The following ERO1A variants were observed in gnomAD, a reference collection of about 807,000 sequenced individuals.
ERO1A encodes the protein ERO1-like protein alpha.
Under a neutral mutation model 76.9 loss-of-function variants are expected in ERO1A, and 49 were observed. That is an observed-to-expected ratio of 0.64 (90% CI 0.51 to 0.81). ERO1A has a LOEUF of 0.81. ERO1A is among the 30% of genes least tolerant of loss of function. The probability of loss-of-function intolerance (pLI) is 0.00; values close to 1 mark genes in which losing one functional copy is unlikely to be tolerated. For synonymous variants in ERO1A, 174 were observed against 181.2 expected (o/e 0.96, Z 0.32); for missense variants, 448 against 542.1 (o/e 0.83, Z 1.72).
chr14:52,682,666 A>AG (rs2139761584), intron 2 of ERO1A, among the ~76,000 whole-genome samples: 1 of 152,234 alleles, frequency 6.6e-6, no homozygotes, highest in South Asian at 2.1e-4. Context: ...TGGGAGGCCG[A>AG]GGGGGGCGGA....
At chr14:52,665,401 T>C (rs2040380038) in intron 7 of ERO1A, among the ~76,000 whole-genome samples, 1 of 150,128 alleles carries the variant, frequency 6.7e-6, no homozygotes, top group Non-Finnish European at 1.5e-5. Flanking sequence ...CAGAAATAAG[T>C]AATTAATAAA....
chr14:52,656,164 T>C (rs540699385), intron 11 of ERO1A, among the ~76,000 whole-genome samples: 2 of 152,326 alleles, frequency 1.3e-5, no homozygotes, highest in African/African-American at 4.8e-5. Flanking sequence ...CCTTGGTGTC[T>C]GGTGGCCACC....
chr14:52,672,497 G>T (rs143441518), intron 4 of ERO1A, among the ~76,000 whole-genome samples: 7 of 152,010 alleles, frequency 4.6e-5, no homozygotes, highest in African/African-American at 1.7e-4. Context: ...GCCTGGGTGT[G>T]GTGGCTCATG....
At position 52,643,264 on chromosome 14, in the gene ERO1A, A is replaced by G. The variant is rs2039534043; in HGVS notation, c.*306T>C. ...ATTACATATTATTACATAAAACGCT[A>G]GTTTGAGAGACTTAGAACATTCACT... On this transcript the variant is annotated 3_prime_UTR_variant, in exon 16 of 16. Transcript: ENST00000395686. The G allele has an allele frequency of 5.3e-6, 1 of 188,222 alleles. No homozygotes were observed. The highest frequency in any genetic ancestry group is 6.1e-5 in the Admixed American group (1 of 16,354). 11.7% of individuals were successfully genotyped at this position (188,222 alleles called of 1,614,324 possible). A position where few individuals can be genotyped will look rare whatever the true frequency, so the allele number is the denominator to read the frequency against.
chr14:52,647,578 T>C (rs2039714479), intron 13 of ERO1A, among the ~76,000 whole-genome samples: 3 of 152,216 alleles, frequency 2.0e-5, no homozygotes, highest in South Asian at 2.1e-4. Context: ...TTAATACATA[T>C]GTATACATCC....
Position 52,695,548 on chromosome 14 carries a change from C to A in ERO1A, c.-67G>T, listed in dbSNP as rs1386673361. On this transcript the variant is annotated 5_prime_UTR_variant, in exon 1 of 16. Coordinates refer to ENST00000395686, the MANE Select transcript of ERO1A (RefSeq NM_014584.3). ...TCCGCACGCTCGGTCGCGGGCCGTG[C>A]GCCCTCAGATGAAGCCCGTGCGGGC... 8.2e-6 allele frequency: 10 copies of A among 1,214,102 alleles called. No individual in the cohort carries two copies. The highest frequency in any genetic ancestry group is 1.6e-5 in the African/African-American group (1 of 63,334). The allele number at this position is 1,214,102 out of a possible 1,614,324, so 75.2% of individuals were successfully genotyped here.
chr14:52,644,797 A>C (rs1231699219), intron 15 of ERO1A, among the ~76,000 whole-genome samples: 1 of 152,132 alleles, frequency 6.6e-6, no homozygotes, highest in Non-Finnish European at 1.5e-5. Context: ...CCTTATTTTA[A>C]GTGCACTTAG....
At position 52,642,971 on chromosome 14, in the gene ERO1A, GA is replaced by G. The variant is rs1369118080; in HGVS notation, c.*598del. 1.3e-5 allele frequency: 2 copies of G among 152,506 alleles called. No homozygotes were observed. The highest frequency in any genetic ancestry group is 2.9e-5 in the Non-Finnish European group (2 of 67,994). 9.4% of individuals were successfully genotyped at this position (152,506 alleles called of 1,614,324 possible). ...ATACCAATGTATTTTAGGATTGCCA[GA>G]TAAAATACAAGACTCCCAGTTAAAT... is the stretch of plus-strand genomic sequence containing the variant. On this transcript the variant is annotated 3_prime_UTR_variant, in exon 16 of 16. Transcript: ENST00000395686.
intron 11 of ERO1A, among the ~76,000 whole-genome samples, chr14:52,654,106 T>G (rs2039965425): frequency 6.6e-6 from 1 of 152,150 alleles, no homozygotes; most frequent in Non-Finnish European, 1.5e-5. Flanking sequence ...ATCTATACTC[T>G]GCTTTTTATT....
Position 52,682,425 on chromosome 14 carries a change from GA to G in ERO1A, c.235-18del, listed in dbSNP as rs760538659. Reference sequence around the variant, plus strand: ...CAGGTTTACCTGTAAAATAATAATAGAAAAAAAATTATAAAAATCAGAATCC... The same window carrying G: ...CAGGTTTACCTGTAAAATAATAATAGAAAAAAATTATAAAAATCAGAATCC... On this transcript the variant is annotated intron_variant, in intron 2 of 15. Transcript: ENST00000395686. 49 of 1,544,226 alleles carry G rather than the reference GA, an allele frequency of 3.2e-5. No individual in the cohort carries two copies. The highest frequency in any genetic ancestry group is 4.1e-5 in the Non-Finnish European group (46 of 1,134,234).
intron 6 of ERO1A, among the ~76,000 whole-genome samples, chr14:52,668,479 A>C (rs2040488357): frequency 6.6e-6 from 1 of 152,100 alleles, no homozygotes; most frequent in African/African-American, 2.4e-5. Context: ...CGGGAGACAG[A>C]GGTTACAGTG....
rs1594826837 is a variant in ERO1A, at chr14:52,666,374, C to T, written c.629+1G>A. The stretch of plus-strand genomic sequence containing the variant: ...TTTTTCTAAATGAAAATGACACATA[C>T]TTAAAACAGTTTTCTTCGTAGATGA... On this transcript the variant is annotated splice_donor_variant, in intron 7 of 15. Transcript: ENST00000395686. LOFTEE classifies it high-confidence loss of function. The T allele has an allele frequency of 6.3e-7, 1 of 1,598,892 alleles. No homozygotes were observed. Among genetic ancestry groups the T allele is most frequent in the Non-Finnish European group, 8.5e-7 (1 of 1,174,086 alleles).
In ERO1A at chr14:52,653,311, G is replaced by A; in HGVS notation, c.813C>T (p.Thr271=). ...TGTGTCCCCATTTCTTTTCTAACCA[G>A]GTCTCTAAGAAGGAAGAAGAATTAA... is the stretch of plus-strand genomic sequence containing the variant. ...HLSARYLLQE[T]WLEKKWGHNI... Residue 271 remains threonine, a synonymous_variant, in exon 12 of 16, where the codon ACC becomes ACT. Coordinates refer to ENST00000395686, the MANE Select transcript of ERO1A (RefSeq NM_014584.3). The A allele has an allele frequency of 1.3e-6, 2 of 1,582,878 alleles. No homozygotes were observed. The highest frequency in any genetic ancestry group is 1.7e-6 in the Non-Finnish European group (2 of 1,168,462).
chr14:52,686,517 G>A (rs889372322), intron 1 of ERO1A, among the ~76,000 whole-genome samples: 24 of 152,330 alleles, frequency 1.6e-4, no homozygotes, highest in African/African-American at 5.3e-4. Flanking sequence ...CTCCAGAGCA[G>A]AGGTGGCATA....
chr14:52,678,813 T>C (rs2040890106), intron 3 of ERO1A, among the ~76,000 whole-genome samples: 1 of 152,236 alleles, frequency 6.6e-6, no homozygotes, highest in South Asian at 2.1e-4. Context: ...CCTTTTGCTA[T>C]TACTCCAGTG....
At chr14:52,646,572 A>T (rs2039664727) in intron 13 of ERO1A, 111 bp from the exon 14 acceptor site, 1 of 707,256 alleles carries the variant, frequency 1.4e-6, no homozygotes, top group Non-Finnish European at 2.4e-6. Flanking sequence ...ATGGGGTACC[A>T]AAAATGAGAA....
intron 13 of ERO1A, among the ~76,000 whole-genome samples, chr14:52,649,976 G>A (rs373673945): frequency 3.3e-5 from 5 of 152,184 alleles, no homozygotes; most frequent in East Asian, 3.9e-4. Flanking sequence ...AGCACTTTTC[G>A]GAGGCCAAGA....
chr14:52,663,470 G>A (rs1230384059), intron 8 of ERO1A, among the ~76,000 whole-genome samples: 4 of 151,676 alleles, frequency 2.6e-5, no homozygotes, highest in Non-Finnish European at 4.4e-5. Flanking sequence ...CGTTGTGGCG[G>A]GCGCCTGTAG....
chr14:52,650,806 T>C (rs1031997582), intron 13 of ERO1A, among the ~76,000 whole-genome samples: 2 of 152,338 alleles, frequency 1.3e-5, no homozygotes, highest in East Asian at 3.9e-4. Flanking sequence ...CTGGTAATGT[T>C]TGATATTTAT....
Sources: gnomAD v4.1 joint callset for allele counts (sites outside exome capture counted in the v4.1 genomes callset) on GRCh38, gnomAD v4.1.1 for gene constraint, MANE v1.5 for transcripts, NCBI Gene and HGNC (gene_info 2026-07-23, HGNC 2026-07-21) for gene names.